The following SPTLC3 variants were observed in gnomAD, a reference collection of about 807,000 sequenced individuals.
The protein encoded by SPTLC3 is serine palmitoyltransferase long chain base subunit 3.
SPTLC3 carries 36 observed loss-of-function variants against 59.3 expected under a neutral mutation model. That is an observed-to-expected ratio of 0.61 (90% CI 0.47 to 0.80). The LOEUF is 0.80. Ranked by LOEUF, SPTLC3 falls within the 30% of genes least tolerant of loss-of-function variation. The pLI is 0.00. For missense variants in SPTLC3, 625 were observed against 685.1 expected, an observed-to-expected ratio of 0.91 and a Z score of 0.98; for synonymous variants, 257 against 240.8, an observed-to-expected ratio of 1.07 and a Z score of -0.62.
chr20:13,082,266 T>C (rs761950458), intron 4 of SPTLC3, among the ~76,000 whole-genome samples: 11 of 152,192 alleles, frequency 7.2e-5, no homozygotes, highest in Non-Finnish European at 1.2e-4. Flanking sequence ...AGATTTTTAA[T>C]GACTTGCCAG....
At chr20:13,036,258 A>G (rs1986730276) in intron 1 of SPTLC3, among the ~76,000 whole-genome samples, 1 of 151,952 alleles carries the variant, frequency 6.6e-6, no homozygotes, top group Non-Finnish European at 1.5e-5. Flanking sequence ...TTTTCAATAG[A>G]AGTTACACTG....
chr20:13,048,462 T>G (rs546076777), intron 1 of SPTLC3, among the ~76,000 whole-genome samples: 2 of 152,328 alleles, frequency 1.3e-5, no homozygotes, highest in East Asian at 3.9e-4. Context: ...CCATGTTCCT[T>G]TAGTCTAGTA....
chr20:13,127,778 G>GA (rs1374301826), intron 9 of SPTLC3, among the ~76,000 whole-genome samples: 5 of 152,228 alleles, frequency 3.3e-5, no homozygotes, highest in African/African-American at 9.6e-5. Flanking sequence ...CCTGCAGGAG[G>GA]ATATTTTTTC....
intron 8 of SPTLC3, among the ~76,000 whole-genome samples, chr20:13,124,736 T>C (rs2037948280): frequency 6.6e-6 from 1 of 152,094 alleles, no homozygotes; most frequent in South Asian, 2.1e-4. Flanking sequence ...AGAGAAACTG[T>C]GAATGTTGAA....
intron 1 of SPTLC3, among the ~76,000 whole-genome samples, chr20:13,045,696 C>T (rs777412704): frequency 6.6e-6 from 1 of 152,096 alleles, no homozygotes; most frequent in Non-Finnish European, 1.5e-5. Context: ...GGCTGATGGA[C>T]ATTTTTGAAA....
rs111769811 is a variant in SPTLC3, at chr20:13,124,981, C to T, written c.1153-1610C>T. On this transcript the variant is annotated intron_variant, in intron 8 of 11. Transcript: ENST00000399002. Reference sequence around the variant, plus strand: ...GCCTAAGTGGGATTCTGAGCTGTGCCGTTATTCTAAAGAGAAGGCATCTGA... The same window carrying T: ...GCCTAAGTGGGATTCTGAGCTGTGCTGTTATTCTAAAGAGAAGGCATCTGA... 1.2e-4 allele frequency among the ~76,000 whole-genome samples: 18 copies of T among 152,246 alleles called. No homozygotes were observed. The East Asian group carries it at 2.5e-3, about 21-fold the overall frequency.
chr20:13,024,325 T>C (rs1202524707), intron 1 of SPTLC3, among the ~76,000 whole-genome samples: 1 of 152,178 alleles, frequency 6.6e-6, no homozygotes, highest in Non-Finnish European at 1.5e-5. Context: ...CCTTATATAA[T>C]TCTAAATAAA....
intron 2 of SPTLC3, among the ~76,000 whole-genome samples, chr20:13,062,919 T>C (rs949301829): frequency 6.6e-6 from 1 of 152,218 alleles, no homozygotes; most frequent in Non-Finnish European, 1.5e-5. Context: ...GATCAGTATA[T>C]GCATTTATTC....
intron 1 of SPTLC3, among the ~76,000 whole-genome samples, chr20:13,042,000 G>GGATT (rs1987003602): frequency 6.6e-6 from 1 of 152,084 alleles, no homozygotes. Context: ...ACTTGCTGCC[G>GGATT]GATTGCTCTA....
intron 4 of SPTLC3, among the ~76,000 whole-genome samples, chr20:13,075,094 C>T (rs1366471087): frequency 1.3e-5 from 2 of 150,258 alleles, no homozygotes; most frequent in Non-Finnish European, 2.9e-5. Flanking sequence ...CTTTTCAATT[C>T]TTGGCATGAG....
At chr20:13,118,056 G>GACATGGTTTAGAA in intron 8 of SPTLC3, among the ~76,000 whole-genome samples, 1 of 152,172 alleles carries the variant, frequency 6.6e-6, no homozygotes, top group African/African-American at 2.4e-5. Flanking sequence ...TATCCATCTG[G>GACATGGTTTAGAA]TAGACAAATA....
intron 8 of SPTLC3, among the ~76,000 whole-genome samples, chr20:13,123,456 A>G (rs2037914863): frequency 6.6e-6 from 1 of 152,168 alleles, no homozygotes; most frequent in African/African-American, 2.4e-5. Context: ...AAGTATTACT[A>G]TGATCTAATT....
chr20:13,103,871 T>G (rs1180434010), intron 6 of SPTLC3, among the ~76,000 whole-genome samples: 1 of 152,098 alleles, frequency 6.6e-6, no homozygotes, highest in Non-Finnish European at 1.5e-5. Context: ...AATGTCTGGG[T>G]TTTTTCTTCC....
Position 13,040,494 on chromosome 20 carries a change from GACCAT to G in SPTLC3, c.118-8449_118-8445del, listed in dbSNP as rs1328552062. Reference sequence around the variant, plus strand: ...CTGCCTCAGCCTCCCAAGTAGCTGGGACCATAGGCGCAAGCCACCACACCTGGCTA... The same window carrying G: ...CTGCCTCAGCCTCCCAAGTAGCTGGGAGGCGCAAGCCACCACACCTGGCTA... On this transcript the variant is annotated intron_variant, in intron 1 of 11. Coordinates refer to ENST00000399002, the MANE Select transcript of SPTLC3 (RefSeq NM_018327.4). Among the ~76,000 whole-genome samples the G allele has an allele frequency of 3.3e-5, 5 of 152,098 alleles. No homozygotes were observed. The East Asian group carries it at 9.7e-4, about 29-fold the overall frequency.
intron 6 of SPTLC3, among the ~76,000 whole-genome samples, chr20:13,105,865 T>C (rs904798037): frequency 6.6e-6 from 1 of 152,152 alleles, no homozygotes; most frequent in Non-Finnish European, 1.5e-5. Flanking sequence ...ATTATAGACA[T>C]AATAAATAAA....
At chr20:13,125,860 C>T (rs1052721946) in intron 8 of SPTLC3, among the ~76,000 whole-genome samples, 6 of 152,210 alleles carry the variant, frequency 3.9e-5, no homozygotes, top group Non-Finnish European at 7.3e-5. Context: ...CCAGATTAAT[C>T]CGCCTTTTGA....
chr20:13,024,575 T>A (rs1377012412), intron 1 of SPTLC3, among the ~76,000 whole-genome samples: 1 of 152,188 alleles, frequency 6.6e-6, no homozygotes, highest in African/African-American at 2.4e-5. Flanking sequence ...CTGAAGTATA[T>A]CATTCAATGA....
chr20:13,049,317 A>G, intron 2 of SPTLC3, 187 bp downstream of exon 2: 1 of 627,082 alleles, frequency 1.6e-6, no homozygotes, highest in Non-Finnish European at 2.9e-6. Flanking sequence ...TTTTACAAAC[A>G]TCTCATGGGC....
At chr20:13,089,795 A>AAG (rs1989148873) in intron 4 of SPTLC3, among the ~76,000 whole-genome samples, 1 of 147,920 alleles carries the variant, frequency 6.8e-6, no homozygotes, top group Non-Finnish European at 1.5e-5. Context: ...CAAAAAAAAA[A>AAG]AAAAAAAAAC....
Sources: gnomAD v4.1 joint callset for allele counts (sites outside exome capture counted in the v4.1 genomes callset) on GRCh38, gnomAD v4.1.1 for gene constraint, MANE v1.5 for transcripts, NCBI Gene and HGNC (gene_info 2026-07-23, HGNC 2026-07-21) for gene names.